The following SMG7 variants were observed in gnomAD, a reference collection of about 807,000 sequenced individuals.
SMG7 encodes SMG7 nonsense mediated mRNA decay factor, also known as nonsense-mediated mRNA decay factor SMG7.
A neutral mutation model predicts 148.2 loss-of-function variants in SMG7; 34 were observed. The ratio of observed to expected loss-of-function variants is 0.23; its 90% CI spans 0.17 to 0.31. The LOEUF (loss-of-function observed/expected upper bound fraction) is 0.31. Ranked by LOEUF, SMG7 falls within the 10% of genes least tolerant of loss-of-function variation. The probability of loss-of-function intolerance (pLI) is 1.00; values close to 1 mark genes in which losing one functional copy is unlikely to be tolerated. For missense variants in SMG7, 1,114 were observed against 1,408.4 expected (o/e 0.79, Z 3.35); for synonymous variants, 492 against 515.1 (o/e 0.96, Z 0.61).
At chr1:183,546,865 T>C (rs1035803021) in intron 17 of SMG7, among the ~76,000 whole-genome samples, 1 of 152,246 alleles carries the variant, frequency 6.6e-6, no homozygotes, top group Non-Finnish European at 1.5e-5. Flanking sequence ...CTAGCCACAT[T>C]AACCTTTTGT....
chr1:183,497,046 T>C (rs1014436068), intron 1 of SMG7, among the ~76,000 whole-genome samples: 7 of 152,212 alleles, frequency 4.6e-5, no homozygotes, highest in African/African-American at 1.2e-4. Flanking sequence ...ATCTGTATGC[T>C]GATGACTCCC....
chr1:183,507,492 C>G (rs933591394), intron 1 of SMG7, among the ~76,000 whole-genome samples: 1 of 152,290 alleles, frequency 6.6e-6, no homozygotes. Flanking sequence ...ACTTCTGCTA[C>G]TTACTATGAC....
chr1:183,542,578 G>A (rs1450419856), intron 14 of SMG7, 76 bp downstream of exon 14: 2 of 1,326,710 alleles, frequency 1.5e-6, no homozygotes, highest in Admixed American at 2.3e-5. Flanking sequence ...TTGTTCTAAA[G>A]CCATGAGAAT....
chr1:183,544,508 T>C lies in SMG7; in HGVS notation c.1987+11T>C. On this transcript the variant is annotated intron_variant, in intron 15 of 22. Coordinates refer to ENST00000688051, the MANE Select transcript of SMG7 (RefSeq NM_001375584.1). Reference sequence around the variant, plus strand: ...TTCCCAGCAGGCCAGGTAAATATGTTTTGTAATTTCTTCTACTTAATCTTT... The same window carrying C: ...TTCCCAGCAGGCCAGGTAAATATGTCTTGTAATTTCTTCTACTTAATCTTT... 1 of 1,611,742 alleles carries C rather than the reference T, an allele frequency of 6.2e-7. No individual in the cohort carries two copies. Among genetic ancestry groups the C allele is most frequent in the Non-Finnish European group, 8.5e-7 (1 of 1,178,690 alleles).
chr1:183,552,277 G>A lies in SMG7; in HGVS notation c.*346G>A, dbSNP rs1485538658. The A allele has an allele frequency of 9.8e-7, 1 of 1,021,886 alleles. No individual in the cohort carries two copies. The highest frequency in any genetic ancestry group is 1.2e-6 in the Non-Finnish European group (1 of 854,150). 63.3% of individuals were successfully genotyped at this position (1,021,886 alleles called of 1,614,324 possible). A position where few individuals can be genotyped will look rare whatever the true frequency, so the allele number is the denominator to read the frequency against. ...GAAAGCTGAGAAGGGAAGGCAGATGGGAGAAGCCAATGGGAACTTCTCAGT... is the reference window on the plus strand; with the variant it reads ...GAAAGCTGAGAAGGGAAGGCAGATGAGAGAAGCCAATGGGAACTTCTCAGT... On this transcript the variant is annotated 3_prime_UTR_variant, in exon 23 of 23. Transcript: ENST00000688051.
chr1:183,544,891 G>T (rs1200611243), intron 15 of SMG7, 39 bp from the exon 16 acceptor site: 5 of 1,569,872 alleles, frequency 3.2e-6, no homozygotes, highest in Admixed American at 2.0e-5. Context: ...ATTTTTTGCT[G>T]TTTCCTTAAA....
At chr1:183,493,226 C>T (rs1009143820) in intron 1 of SMG7, among the ~76,000 whole-genome samples, 2 of 152,210 alleles carry the variant, frequency 1.3e-5, no homozygotes, top group Non-Finnish European at 2.9e-5. Flanking sequence ...CCCCTGGCCT[C>T]AGCCTCCCAA....
intron 12 of SMG7, 25 bp from the exon 13 acceptor site, chr1:183,540,959 C>G (rs1479411353): frequency 6.2e-7 from 1 of 1,608,070 alleles, no homozygotes. Flanking sequence ...TTAATATTCT[C>G]ATAACTTGCT....
chr1:183,538,989 C>CA lies in SMG7; in HGVS notation c.1295+560dup, dbSNP rs879783059. On this transcript the variant is annotated intron_variant, in intron 12 of 22. Transcript: ENST00000688051. ...TGAAACCCCGTCTCTACTAAAAATA[C>CA]AAAAAAAAAAATTAGCCGGGCATGG... Among the ~76,000 whole-genome samples, 415 of 144,678 alleles carry CA rather than the reference C, an allele frequency of 2.9e-3. 3 individuals carry two copies. The highest frequency in any genetic ancestry group is 8.9e-3 in the African/African-American group (351 of 39,654). The allele number at this position is 144,678 out of a possible 152,430, so 94.9% of individuals were successfully genotyped here. A position where few individuals can be genotyped will look rare whatever the true frequency, so the allele number is the denominator to read the frequency against.
chr1:183,529,305 T>A, intron 7 of SMG7, 93 bp from the exon 8 acceptor site: 2 of 1,397,046 alleles, frequency 1.4e-6, no homozygotes, highest in East Asian at 2.3e-5. Context: ...ACAGCTCTTT[T>A]GTGTATCAAG....
intron 1 of SMG7, among the ~76,000 whole-genome samples, chr1:183,484,694 T>C (rs1395852947): frequency 6.6e-6 from 1 of 152,122 alleles, no homozygotes; most frequent in Non-Finnish European, 1.5e-5. Flanking sequence ...GATGTGGCCA[T>C]ATAGGTATAT....
intron 16 of SMG7, among the ~76,000 whole-genome samples, chr1:183,545,567 T>G (rs1553252849): frequency 6.6e-6 from 1 of 152,228 alleles, no homozygotes; most frequent in Non-Finnish European, 1.5e-5. Context: ...AAATGGATTT[T>G]CTGCAAATAA....
chr1:183,518,704 AT>A (rs921789066), intron 4 of SMG7: 20 of 152,200 alleles, frequency 1.3e-4, no homozygotes, highest in African/African-American at 4.3e-4. Flanking sequence ...AATAAATCTT[AT>A]TTTTGACCAT....
Position 183,515,948 on chromosome 1 carries a change from A to G in SMG7, c.136A>G (p.Thr46Ala), listed in dbSNP as rs1223104099. The change falls in exon 3 of 23, where the codon ACC becomes GCC. Residue 46 changes from threonine to alanine, a missense_variant. This residue lies in a region of SMG7 where 216 missense variants were observed against 329.1 expected (regional missense o/e 0.66). Coordinates refer to ENST00000688051, the MANE Select transcript of SMG7 (RefSeq NM_001375584.1). Reference sequence around the variant, plus strand: ...GGACCTGTACCAGAAAATGCTAGTTACCGATTTGGAATACGCTTTAGACAA... The same window carrying G: ...GGACCTGTACCAGAAAATGCTAGTTGCCGATTTGGAATACGCTTTAGACAA... ...LQDLYQKMLV[T>A]DLEYALDKKV... 1 of 1,613,484 alleles carries G rather than the reference A, an allele frequency of 6.2e-7. No individual in the cohort carries two copies. Among genetic ancestry groups the G allele is most frequent in the East Asian group, 2.2e-5 (1 of 44,854 alleles).
Position 183,550,901 on chromosome 1 carries a change from G to A in SMG7, c.3284G>A (p.Arg1095Gln), listed in dbSNP as rs1410029278. 12 of 1,612,764 alleles carry A rather than the reference G, an allele frequency of 7.4e-6. No individual in the cohort carries two copies. Among genetic ancestry groups the A allele is most frequent in the African/African-American group, 1.3e-5 (1 of 74,480 alleles). Residue 1095 changes from arginine to glutamine, a missense_variant, in exon 21 of 23, where the codon CGG becomes CAG. By Grantham distance (43) the Arg-to-Gln change is conservative. Coordinates refer to ENST00000688051, the MANE Select transcript of SMG7 (RefSeq NM_001375584.1). ...PDNRDRRTAD[R>Q]WKTDKPAMGG... ...AACAGGGATAGAAGGACTGCAGATC[G>A]GTGGAAAACTGATAAGCCAGGTGAG... is the stretch of plus-strand genomic sequence containing the variant.
intron 1 of SMG7, among the ~76,000 whole-genome samples, chr1:183,476,864 A>G (rs1309902072): frequency 6.6e-6 from 1 of 152,218 alleles, no homozygotes; most frequent in East Asian, 1.9e-4. Context: ...CTTTTGATTT[A>G]TGACAGAATG....
In SMG7 at chr1:183,542,290, G is replaced by A. The variant is rs1340650712; in HGVS notation, c.1630G>A (p.Val544Met). 1 of 1,614,132 alleles carries A rather than the reference G, an allele frequency of 6.2e-7. No homozygotes were observed. Residue 544 changes from valine to methionine, a missense_variant, in exon 14 of 23, where the codon GTG (valine) becomes ATG (methionine). Physicochemically the swap from Val to Met is conservative, Grantham distance 21. Coordinates refer to ENST00000688051, the MANE Select transcript of SMG7 (RefSeq NM_001375584.1). Reference sequence around the variant, plus strand: ...CAACTGTGACACAGGAGAGAAGCCAGTGGTTACCTTCAAAGAAAACATTAA... The same window carrying A: ...CAACTGTGACACAGGAGAGAAGCCAATGGTTACCTTCAAAGAAAACATTAA... ...SNNCDTGEKPVVTFKENIKTR... is the reference protein window; with the variant it reads ...SNNCDTGEKPMVTFKENIKTR...
chr1:183,494,294 G>GT (rs1483377091), intron 1 of SMG7, among the ~76,000 whole-genome samples: 2 of 149,590 alleles, frequency 1.3e-5, no homozygotes, highest in African/African-American at 4.9e-5. Context: ...CTTTCCTTTT[G>GT]TTTGTACTAC....
rs574572134 is a variant in SMG7, at chr1:183,553,323, A to G, written c.*1392A>G. 6.7e-6 allele frequency: 7 copies of G among 1,051,420 alleles called. No homozygotes were observed. The highest frequency in any genetic ancestry group is 5.2e-5 in the East Asian group (2 of 38,332). The allele number at this position is 1,051,420 out of a possible 1,614,324, so 65.1% of individuals were successfully genotyped here. A position where few individuals can be genotyped will look rare whatever the true frequency, so the allele number is the denominator to read the frequency against. ...GTAATATTTTAAGGGGAAATTATGG[A>G]AACAATCTAATTGTTCAATTGCTGT... On this transcript the variant is annotated 3_prime_UTR_variant, in exon 23 of 23. Coordinates refer to ENST00000688051, the MANE Select transcript of SMG7 (RefSeq NM_001375584.1).
Sources: gnomAD v4.1 joint callset for allele counts (sites outside exome capture counted in the v4.1 genomes callset) on GRCh38, gnomAD v4.1.1 for gene constraint, gnomAD v4.1.1 regional missense constraint, MANE v1.5 for transcripts, NCBI Gene and HGNC (gene_info 2026-07-23, HGNC 2026-07-21) for gene names.